ST8SIA6: variants seen among roughly 807,000 people sequenced by gnomAD.
ST8SIA6 encodes the protein alpha-2,8-sialyltransferase 8F.
A neutral mutation model predicts 33.6 loss-of-function variants in ST8SIA6; 39 were observed. The ratio of observed to expected loss-of-function variants is 1.16; its 90% CI spans 0.90 to 1.52. ST8SIA6 has a LOEUF of 1.52. Among genes scored for constraint, ST8SIA6 ranks in the 40% most tolerant of loss-of-function variants. The pLI is 0.00. For synonymous variants in ST8SIA6, 172 were observed against 167.2 expected, an observed-to-expected ratio of 1.03 and a Z score of -0.22; for missense variants, 441 against 443.8, an observed-to-expected ratio of 0.99 and a Z score of 0.06.
chr10:17,355,010 G>A (rs1351372903), intron 4 of ST8SIA6, among the ~76,000 whole-genome samples: 1 of 152,164 alleles, frequency 6.6e-6, no homozygotes, highest in African/African-American at 2.4e-5. Flanking sequence ...AGTGCTGAAT[G>A]AGTAAAAGCT....
chr10:17,384,178 T>C (rs960775588), intron 3 of ST8SIA6, among the ~76,000 whole-genome samples: 2 of 152,172 alleles, frequency 1.3e-5, no homozygotes, highest in Non-Finnish European at 2.9e-5. Context: ...ACACAGTCCC[T>C]GTACAGGGTT....
At chr10:17,368,422 A>G (rs1278927851) in intron 3 of ST8SIA6, among the ~76,000 whole-genome samples, 1 of 150,116 alleles carries the variant, frequency 6.7e-6, no homozygotes, top group Non-Finnish European at 1.5e-5. Context: ...AAAAAAAAAA[A>G]AAAAAAAAAA....
At chr10:17,430,007 G>A (rs1159870809) in intron 2 of ST8SIA6, among the ~76,000 whole-genome samples, 2 of 152,140 alleles carry the variant, frequency 1.3e-5, no homozygotes, top group Non-Finnish European at 1.5e-5. Flanking sequence ...CCGGAGCAGT[G>A]TACATTGTAC....
intron 4 of ST8SIA6, among the ~76,000 whole-genome samples, chr10:17,349,499 G>C (rs533533019): frequency 6.6e-6 from 1 of 152,264 alleles, no homozygotes; most frequent in Admixed American, 6.5e-5. Context: ...TTGACATATT[G>C]AATATTCATA....
At chr10:17,382,535 G>C (rs985324557) in intron 3 of ST8SIA6, among the ~76,000 whole-genome samples, 57 of 152,130 alleles carry the variant, frequency 3.7e-4, no homozygotes, top group African/African-American at 1.4e-3. Context: ...CAAAGTGCTG[G>C]GATTACAGGC....
intron 4 of ST8SIA6, among the ~76,000 whole-genome samples, chr10:17,348,193 T>C (rs1029481658): frequency 2.7e-5 from 4 of 149,754 alleles, no homozygotes; most frequent in African/African-American, 9.8e-5. Context: ...TAGATATTTT[T>C]AGGGAAGGAA....
chr10:17,434,805 G>A (rs988998800), intron 2 of ST8SIA6, among the ~76,000 whole-genome samples: 3 of 152,166 alleles, frequency 2.0e-5, no homozygotes, highest in Non-Finnish European at 4.4e-5. Context: ...AGTAAATAAT[G>A]AGGCCTCAGT....
intron 2 of ST8SIA6, among the ~76,000 whole-genome samples, chr10:17,396,222 C>G (rs1447740273): frequency 2.0e-5 from 3 of 152,202 alleles, no homozygotes; most frequent in Non-Finnish European, 4.4e-5. Flanking sequence ...CCACTGACAT[C>G]TTGTCACCTG....
At chr10:17,350,966 T>A (rs1049204308) in intron 4 of ST8SIA6, among the ~76,000 whole-genome samples, 2 of 152,112 alleles carry the variant, frequency 1.3e-5, no homozygotes, top group African/African-American at 2.4e-5. Context: ...CCTTAATGAA[T>A]CTAGTGAGAT....
At chr10:17,337,103 T>G (rs1243090496) in intron 4 of ST8SIA6, among the ~76,000 whole-genome samples, 1 of 151,968 alleles carries the variant, frequency 6.6e-6, no homozygotes, top group Non-Finnish European at 1.5e-5. Context: ...AGTGACTGAG[T>G]TCTCACGAGA....
intron 4 of ST8SIA6, among the ~76,000 whole-genome samples, chr10:17,339,707 T>G (rs1848612708): frequency 6.7e-6 from 1 of 148,230 alleles, no homozygotes; most frequent in African/African-American, 2.4e-5. Context: ...GCATTCTCAC[T>G]GCATGCTAAA....
At chr10:17,426,095 G>C (rs1015460461) in intron 2 of ST8SIA6, among the ~76,000 whole-genome samples, 4 of 152,112 alleles carry the variant, frequency 2.6e-5, no homozygotes, top group African/African-American at 9.7e-5. Flanking sequence ...ACAGGCACTA[G>C]AGGAAGCTCC....
chr10:17,416,269 G>A (rs1426464756), intron 2 of ST8SIA6, among the ~76,000 whole-genome samples: 2 of 151,904 alleles, frequency 1.3e-5, no homozygotes, highest in Non-Finnish European at 2.9e-5. Context: ...TCTAAATGTG[G>A]GAATACCCTA....
chr10:17,422,036 T>G (rs1375841331), intron 2 of ST8SIA6, among the ~76,000 whole-genome samples: 1 of 151,868 alleles, frequency 6.6e-6, no homozygotes. Flanking sequence ...TAATATAGAA[T>G]TTATAATTTC....
At chr10:17,447,271 T>C (rs1852747808) in intron 2 of ST8SIA6, among the ~76,000 whole-genome samples, 1 of 151,504 alleles carries the variant, frequency 6.6e-6, no homozygotes, top group South Asian at 2.1e-4. Flanking sequence ...CTAGGTGCAG[T>C]GGTGTGGGCC....
At chr10:17,422,245 G>C (rs1211477717) in intron 2 of ST8SIA6, among the ~76,000 whole-genome samples, 1 of 152,134 alleles carries the variant, frequency 6.6e-6, no homozygotes, top group African/African-American at 2.4e-5. Context: ...ATTTGAAAGA[G>C]TCAACTGTTC....
At chr10:17,321,444 G>A (rs1437332851) in intron 7 of ST8SIA6, 98 bp from the exon 8 acceptor site, 1 of 970,498 alleles carries the variant, frequency 1.0e-6, no homozygotes, top group Admixed American at 2.9e-5. Flanking sequence ...TCAAAACACT[G>A]AACGATTTGT....
intron 5 of ST8SIA6, among the ~76,000 whole-genome samples, chr10:17,327,454 G>C (rs1848170501): frequency 6.6e-6 from 1 of 152,130 alleles, no homozygotes; most frequent in South Asian, 2.1e-4. Flanking sequence ...GGGCGTGGTG[G>C]TGGGTGCCTG....
At chr10:17,353,725 C>A (rs1849105358) in intron 4 of ST8SIA6, among the ~76,000 whole-genome samples, 1 of 152,178 alleles carries the variant, frequency 6.6e-6, no homozygotes, top group South Asian at 2.1e-4. Context: ...TGAAAGGTAT[C>A]TCATTTGCAT....
Sources: allele counts gnomAD v4.1 joint callset (sites outside exome capture counted in the v4.1 genomes callset), GRCh38; gene constraint gnomAD v4.1.1; transcripts MANE v1.5; gene names NCBI Gene and HGNC (gene_info 2026-07-23, HGNC 2026-07-21).